ATP10B: variants seen among roughly 807,000 people sequenced by gnomAD.
ATP10B encodes ATPase phospholipid transporting 10B (putative).
A neutral mutation model predicts 141.2 loss-of-function variants in ATP10B; 122 were observed. The ratio of observed to expected loss-of-function variants is 0.86; its 90% confidence interval spans 0.75 to 1.00. The LOEUF (loss-of-function observed/expected upper bound fraction) is 1.00. Among genes scored for constraint, ATP10B ranks in the 50% least tolerant of loss-of-function variants. The probability of loss-of-function intolerance (pLI) is 0.00; values close to 1 mark genes in which losing one functional copy is unlikely to be tolerated. For missense variants in ATP10B, 1,876 were observed against 1,825.3 expected (o/e 1.03, Z -0.51); for synonymous variants, 685 against 692.0 (o/e 0.99, Z 0.16).
intron 1 of ATP10B, among the ~76,000 whole-genome samples, chr5:160,821,246 C>T (rs12656340): frequency 6.6e-6 from 1 of 151,660 alleles, no homozygotes; most frequent in African/African-American, 2.4e-5. Context: ...AGAAATGTAA[C>T]AAGTAATTCC....
the ATP10B span, among the ~76,000 whole-genome samples, chr5:160,919,519 G>A: frequency 2.0e-5 from 3 of 152,178 alleles, no homozygotes; most frequent in African/African-American, 7.2e-5. Context: ...ACCCTATTAA[G>A]AATGTTGGTA....
rs577796806 is a variant in ATP10B, at chr5:160,776,365, C to T, written c.-331+9194G>A. ...TGTACATTTATGAAATGAGGAGAAA[C>T]AATCTTTCAGGAACAGCTATAAAAT... On this transcript the variant is annotated intron_variant, in intron 2 of 25. Coordinates refer to ENST00000327245, the MANE Select transcript of ATP10B (RefSeq NM_025153.3). Among the ~76,000 whole-genome samples the T allele has an allele frequency of 5.3e-5, 8 of 152,316 alleles. No homozygotes were observed. In the South Asian group the frequency reaches 1.7e-3, roughly 32 times the overall value.
intron 3 of ATP10B, among the ~76,000 whole-genome samples, chr5:160,714,590 C>T (rs1251298200): frequency 7.7e-6 from 1 of 129,154 alleles, no homozygotes; most frequent in Non-Finnish European, 1.6e-5. Context: ...GTAATTTGAT[C>T]GTCTGAAGCT....
intron 1 of ATP10B, among the ~76,000 whole-genome samples, chr5:160,798,804 C>G (rs10072404): frequency 0.46 from 65,691 of 143,242 alleles, 14,994 homozygotes; most frequent in East Asian, 0.61. Context: ...AGGCTGGAGT[C>G]CAATGGTATG....
chr5:160,794,025 T>C (rs1362122169), intron 1 of ATP10B, among the ~76,000 whole-genome samples: 1 of 152,196 alleles, frequency 6.6e-6, no homozygotes, highest in Non-Finnish European at 1.5e-5. Flanking sequence ...GGATAAATTG[T>C]CTAAAAACAT....
intron 2 of ATP10B, among the ~76,000 whole-genome samples, chr5:160,771,712 C>A (rs1012507908): frequency 6.6e-6 from 1 of 152,168 alleles, no homozygotes; most frequent in Non-Finnish European, 1.5e-5. Context: ...ATATTATTAA[C>A]TATTATGCTC....
chr5:160,691,803 G>A (rs1764091270), intron 3 of ATP10B: 1 of 152,188 alleles, frequency 6.6e-6, no homozygotes, highest in Non-Finnish European at 1.5e-5. Flanking sequence ...CAGAGACTAA[G>A]TAAGCCCTTG....
the ATP10B span, among the ~76,000 whole-genome samples, chr5:160,925,295 T>C: frequency 6.6e-6 from 1 of 152,204 alleles, no homozygotes; most frequent in East Asian, 1.9e-4. Flanking sequence ...GAGGGAAAAG[T>C]AGCAGCAGCA....
rs756890563 is a variant in ATP10B, at chr5:160,591,062, G to C, written c.3642C>G (p.Tyr1214Ter). 4 of 1,612,900 alleles carry C rather than the reference G, an allele frequency of 2.5e-6. No individual in the cohort carries two copies. The African/African-American group carries it at 5.3e-5, about 22-fold the overall frequency. Reference protein sequence around the residue: ...YQSLICFFIPYLAYKGSDIDV... With the variant: ...YQSLICFFIP ...AGAATGGGACTACATGACTTACCAG[G>C]TAAGGGATAAAGAAACAGATGAGGC... Residue 1214 changes from tyrosine (Y) to a stop codon, truncating the protein, a stop_gained, in exon 23 of 26, where the codon TAC becomes TAG. Transcript: ENST00000327245. LOFTEE classifies it high-confidence loss of function.
intron 1 of ATP10B, among the ~76,000 whole-genome samples, chr5:160,848,092 T>A: frequency 6.6e-6 from 1 of 152,204 alleles, no homozygotes. Context: ...TATGTAAACA[T>A]ACACACATAC....
At chr5:160,911,771 C>T in the ATP10B span, among the ~76,000 whole-genome samples, 900 of 152,268 alleles carry the variant, frequency 5.9e-3, 31 homozygotes, top group East Asian at 0.051. Context: ...ATGAAATCCA[C>T]CTGCAGGGAC....
At chr5:160,856,612 A>G (rs1429961134), upstream of ATP10B, among the ~76,000 whole-genome samples, 1 of 151,792 alleles carries the variant, frequency 6.6e-6, no homozygotes, top group Non-Finnish European at 1.5e-5. Flanking sequence ...TAAGTCTGTC[A>G]CTAATAAGTA....
In ATP10B at chr5:160,640,567, G is replaced by T. The variant is rs749254666; in HGVS notation, c.894C>A (p.Asn298Lys). The change falls in exon 10 of 26, where the codon AAC becomes AAA. Residue 298 changes from asparagine to lysine, a missense_variant. By Grantham distance (94) the Asn-to-Lys change is moderately conservative. Coordinates refer to ENST00000327245, the MANE Select transcript of ATP10B (RefSeq NM_025153.3). ...YAGHETKAMLNNSGPRYKRSK... is the reference protein window; with the variant it reads ...YAGHETKAMLKNSGPRYKRSK... ...TGCGTTTGTACCGGGGGCCACTGTT[G>T]TTCAGCATGGCTTTCGTCTCATGGC... The T allele has an allele frequency of 1.3e-5, 21 of 1,614,074 alleles. No individual in the cohort carries two copies. Among genetic ancestry groups the T allele is most frequent in the Non-Finnish European group, 1.8e-5 (21 of 1,179,968 alleles).
At chr5:160,768,824 T>C (rs1370418505) in intron 2 of ATP10B, among the ~76,000 whole-genome samples, 1 of 152,180 alleles carries the variant, frequency 6.6e-6, no homozygotes, top group Non-Finnish European at 1.5e-5. Context: ...CTACTGTTTC[T>C]CTTTTCTTTT....
At chr5:160,777,596 C>G (rs558254560) in intron 2 of ATP10B, among the ~76,000 whole-genome samples, 6 of 152,114 alleles carry the variant, frequency 3.9e-5, no homozygotes, top group African/African-American at 1.4e-4. Flanking sequence ...AGAATCACAC[C>G]GGATGTGTAC....
intron 22 of ATP10B, among the ~76,000 whole-genome samples, chr5:160,597,882 A>T (rs1225781050): frequency 6.6e-6 from 1 of 151,954 alleles, no homozygotes; most frequent in Non-Finnish European, 1.5e-5. Context: ...ATCATTAAAA[A>T]GTCAGGAAAC....
the ATP10B span, among the ~76,000 whole-genome samples, chr5:160,928,001 T>C: frequency 7.6e-6 from 1 of 131,124 alleles, no homozygotes; most frequent in Non-Finnish European, 1.6e-5. Flanking sequence ...AGTGCCAAGG[T>C]CCTGAGAAGG....
At chr5:160,741,165 A>AT (rs1420096602) in intron 2 of ATP10B, among the ~76,000 whole-genome samples, 1 of 152,210 alleles carries the variant, frequency 6.6e-6, no homozygotes, top group Non-Finnish European at 1.5e-5. Context: ...GCATAGAGTA[A>AT]GCACATCACT....
chr5:160,776,419 A>G (rs1178456082), intron 2 of ATP10B, among the ~76,000 whole-genome samples: 2 of 152,224 alleles, frequency 1.3e-5, no homozygotes, highest in Non-Finnish European at 2.9e-5. Flanking sequence ...TGCTTACTAT[A>G]TGCCAGGCAC....
Sources: allele counts gnomAD v4.1 joint callset (sites outside exome capture counted in the v4.1 genomes callset), GRCh38; gene constraint gnomAD v4.1.1; transcripts MANE v1.5; gene names NCBI Gene and HGNC (gene_info 2026-07-23, HGNC 2026-07-21).